Variants in TRPC6 observed in about 807,000 individuals in gnomAD.
TRPC6 encodes transient receptor potential cation channel subfamily C member 6.
In TRPC6, 55 loss-of-function variants were observed where a neutral mutation model predicts 90.7. The ratio of observed to expected loss-of-function variants is 0.61; its 90% CI spans 0.49 to 0.76. The LOEUF is 0.76. Ranked by LOEUF, TRPC6 falls within the 30% of genes least tolerant of loss-of-function variation. The pLI is 0.00. For synonymous variants in TRPC6, 393 were observed against 393.0 expected, an observed-to-expected ratio of 1.00 and a Z score of 0.00; for missense variants, 989 against 1,122.7, an observed-to-expected ratio of 0.88 and a Z score of 1.70.
Position 101,491,836 on chromosome 11 carries a change from CTTTTTTTTTTT to C in TRPC6, c.946-109_946-99del, listed in dbSNP as rs71056611. Reference sequence around the variant, plus strand: ...GATTTTATACTTTAAGAGAAACATTCTTTTTTTTTTTTTTTTTTTTTTGAGACGGAGCCTGG... The same window carrying C: ...GATTTTATACTTTAAGAGAAACATTCTTTTTTTTTTTGAGACGGAGCCTGG... On this transcript the variant is annotated intron_variant, in intron 2 of 12. Coordinates refer to ENST00000344327, the MANE Select transcript of TRPC6 (RefSeq NM_004621.6). The C allele has an allele frequency of 1.1e-5, 5 of 445,046 alleles. No homozygotes were observed. The East Asian group carries it at 2.1e-4, about 18-fold the overall frequency. The allele number at this position is 445,046 out of a possible 1,614,324, so 27.6% of individuals were successfully genotyped here. A position where few individuals can be genotyped will look rare whatever the true frequency, so the allele number is the denominator to read the frequency against.
At chr11:101,496,036 C>T (rs933698443) in intron 2 of TRPC6, among the ~76,000 whole-genome samples, 10 of 151,752 alleles carry the variant, frequency 6.6e-5, no homozygotes, top group Admixed American at 5.9e-4. Flanking sequence ...ACAATCATGG[C>T]GGAAGGCAAA....
At chr11:101,488,521 G>A (rs972241639) in intron 4 of TRPC6, among the ~76,000 whole-genome samples, 2 of 152,074 alleles carry the variant, frequency 1.3e-5, no homozygotes, top group East Asian at 1.9e-4. Context: ...TTTGCCAGAG[G>A]AGAAACAGAA....
At chr11:101,459,748 A>T (rs1290221247) in intron 10 of TRPC6, among the ~76,000 whole-genome samples, 1 of 152,118 alleles carries the variant, frequency 6.6e-6, no homozygotes, top group Non-Finnish European at 1.5e-5. Flanking sequence ...TGCTTTCAGG[A>T]TGAGTATTTT....
chr11:101,544,183 C>A (rs995405158), intron 1 of TRPC6, among the ~76,000 whole-genome samples: 8 of 152,140 alleles, frequency 5.3e-5, no homozygotes, highest in African/African-American at 1.9e-4. Flanking sequence ...CAATGAGATA[C>A]CATCTCACAC....
At chr11:101,558,818 T>C (rs531153371) in intron 1 of TRPC6, among the ~76,000 whole-genome samples, 2 of 152,160 alleles carry the variant, frequency 1.3e-5, no homozygotes, top group Non-Finnish European at 2.9e-5. Context: ...GCTATCCACG[T>C]GCAGAAGAAT....
chr11:101,560,390 A>G (rs1282110374), intron 1 of TRPC6, among the ~76,000 whole-genome samples: 2 of 152,024 alleles, frequency 1.3e-5, no homozygotes, highest in Non-Finnish European at 2.9e-5. Context: ...AATTTTATGT[A>G]AGGCTGCTCT....
At chr11:101,472,824 G>A (rs1859323566) in intron 7 of TRPC6, among the ~76,000 whole-genome samples, 2 of 152,128 alleles carry the variant, frequency 1.3e-5, no homozygotes, top group Non-Finnish European at 2.9e-5. Context: ...AGCTAAGCCA[G>A]TTTGCTTAAC....
At chr11:101,566,631 A>G (rs988160887) in intron 1 of TRPC6, among the ~76,000 whole-genome samples, 4 of 152,182 alleles carry the variant, frequency 2.6e-5, no homozygotes, top group Admixed American at 2.0e-4. Context: ...TGCAGCTCCC[A>G]GCGAGATAGA....
intron 1 of TRPC6, among the ~76,000 whole-genome samples, chr11:101,569,895 T>G (rs1861919776): frequency 6.6e-6 from 1 of 152,096 alleles, no homozygotes; most frequent in Admixed American, 6.6e-5. Context: ...TTTATACCAC[T>G]AAATGCCCAC....
At chr11:101,514,729 G>T (rs1249379256) in intron 1 of TRPC6, among the ~76,000 whole-genome samples, 1 of 152,184 alleles carries the variant, frequency 6.6e-6, no homozygotes, top group Non-Finnish European at 1.5e-5. Flanking sequence ...CAATTTAGGA[G>T]ATTCAAGCTT....
chr11:101,488,064 AGTTCTTTCT>A, intron 4 of TRPC6, among the ~76,000 whole-genome samples: 1 of 152,214 alleles, frequency 6.6e-6, no homozygotes, highest in Non-Finnish European at 1.5e-5. Flanking sequence ...CCCAACTGAT[AGTTCTTTCT>A]ACATAGCACA....
intron 1 of TRPC6, among the ~76,000 whole-genome samples, chr11:101,511,875 C>T (rs372565067): frequency 3.7e-4 from 56 of 152,168 alleles, no homozygotes; most frequent in African/African-American, 1.2e-3. Context: ...GGCCTGTAAT[C>T]CCAGCTACTT....
At chr11:101,558,837 G>C (rs1240032794) in intron 1 of TRPC6, among the ~76,000 whole-genome samples, 1 of 152,100 alleles carries the variant, frequency 6.6e-6, no homozygotes, top group Non-Finnish European at 1.5e-5. Flanking sequence ...ATGAAATTGG[G>C]CCCTTATCCC....
At chr11:101,554,963 G>C (rs1861528437) in intron 1 of TRPC6, among the ~76,000 whole-genome samples, 1 of 152,120 alleles carries the variant, frequency 6.6e-6, no homozygotes, top group African/African-American at 2.4e-5. Context: ...AGGCCACAAA[G>C]ATGCCACTCC....
chr11:101,468,526 T>A (rs1272922174), intron 10 of TRPC6, among the ~76,000 whole-genome samples: 1 of 152,186 alleles, frequency 6.6e-6, no homozygotes, highest in Non-Finnish European at 1.5e-5. Context: ...ACAACAGAAA[T>A]TGTTGGGAGA....
intron 10 of TRPC6, among the ~76,000 whole-genome samples, chr11:101,460,765 A>G (rs867295559): frequency 6.6e-6 from 1 of 152,146 alleles, no homozygotes; most frequent in African/African-American, 2.4e-5. Context: ...AAAATGGTAA[A>G]TTTTATGCTA....
At chr11:101,523,191 T>G (rs1860700949) in intron 1 of TRPC6, among the ~76,000 whole-genome samples, 1 of 152,228 alleles carries the variant, frequency 6.6e-6, no homozygotes, top group Admixed American at 6.5e-5. Context: ...TAAGGTAAAC[T>G]GAGTCTTTCT....
At chr11:101,485,589 T>TA (rs34136693) in intron 4 of TRPC6, among the ~76,000 whole-genome samples, 53,062 of 151,342 alleles carry the variant, frequency 0.35, 10,577 homozygotes, top group African/African-American at 0.54. Flanking sequence ...TTTTTTTTTT[T>TA]AATTCTCAAT....
chr11:101,557,995 T>C (rs1406174105), intron 1 of TRPC6, among the ~76,000 whole-genome samples: 1 of 152,072 alleles, frequency 6.6e-6, no homozygotes, highest in Non-Finnish European at 1.5e-5. Context: ...CTTTTCAAAA[T>C]TCCAATGTCA....
Sources: allele counts gnomAD v4.1 joint callset (sites outside exome capture counted in the v4.1 genomes callset), GRCh38; gene constraint gnomAD v4.1.1; transcripts MANE v1.5; gene names NCBI Gene and HGNC (gene_info 2026-07-23, HGNC 2026-07-21).